Variants in GRIK3 observed in about 807,000 individuals in gnomAD.
GRIK3 encodes glutamate ionotropic receptor kainate type subunit 3.
GRIK3 carries 29 observed loss-of-function variants against 102.5 expected under a neutral mutation model. That is an observed-to-expected ratio of 0.28 (90% CI 0.21 to 0.39). The LOEUF (loss-of-function observed/expected upper bound fraction) is 0.39, where lower values mean the gene tolerates loss of function less well. Among genes scored for constraint, GRIK3 ranks in the 10% least tolerant of loss-of-function variants. GRIK3 has a pLI of 1.00. For missense variants in GRIK3, 908 were observed against 1,252.4 expected (o/e 0.73, Z 4.15); for synonymous variants, 511 against 504.9 (o/e 1.01, Z -0.16).
intron 1 of GRIK3, among the ~76,000 whole-genome samples, chr1:36,949,555 T>TC (rs2124333442): frequency 6.6e-6 from 1 of 151,496 alleles, no homozygotes; most frequent in East Asian, 1.9e-4. Flanking sequence ...TTCTTTTTTT[T>TC]CTTTCTCTCT....
chr1:36,826,123 C>A (rs930535643), intron 10 of GRIK3, among the ~76,000 whole-genome samples: 4 of 152,194 alleles, frequency 2.6e-5, no homozygotes, highest in Non-Finnish European at 5.9e-5. Context: ...AACCCATGTG[C>A]TCCCTTCTCA....
At chr1:36,844,000 G>A (rs1301891208) in intron 9 of GRIK3, among the ~76,000 whole-genome samples, 1 of 152,264 alleles carries the variant, frequency 6.6e-6, no homozygotes, top group Non-Finnish European at 1.5e-5. Context: ...GAAGACCTTT[G>A]TCAGAGGTCC....
At chr1:36,936,597 C>T (rs1385824484) in intron 1 of GRIK3, among the ~76,000 whole-genome samples, 4 of 152,160 alleles carry the variant, frequency 2.6e-5, no homozygotes, top group African/African-American at 9.7e-5. Context: ...CACCCCATTC[C>T]CATTCTCCAG....
chr1:36,998,981 T>A (rs978034715), intron 1 of GRIK3, among the ~76,000 whole-genome samples: 1 of 115,510 alleles, frequency 8.7e-6, no homozygotes, highest in Non-Finnish European at 1.8e-5. Context: ...ACTTTGGAAG[T>A]GTGTGTGTGT....
At chr1:36,974,072 C>T (rs1479557107) in intron 1 of GRIK3, among the ~76,000 whole-genome samples, 2 of 152,146 alleles carry the variant, frequency 1.3e-5, no homozygotes, top group African/African-American at 2.4e-5. Flanking sequence ...CCCCAGCAAA[C>T]CCATGAAATA....
chr1:36,853,277 T>C (rs1640606149), intron 8 of GRIK3, among the ~76,000 whole-genome samples: 1 of 152,224 alleles, frequency 6.6e-6, no homozygotes, highest in Admixed American at 6.5e-5. Flanking sequence ...TTCTGCTCCA[T>C]GACAGCCCTG....
At chr1:37,008,426 C>T (rs745856234) in intron 1 of GRIK3, among the ~76,000 whole-genome samples, 5 of 152,268 alleles carry the variant, frequency 3.3e-5, no homozygotes, top group African/African-American at 7.2e-5. Context: ...AGCGAACAAA[C>T]GCCATGTGGG....
intron 1 of GRIK3, among the ~76,000 whole-genome samples, chr1:36,949,620 G>A (rs1421832645): frequency 7.5e-6 from 1 of 133,282 alleles, no homozygotes; most frequent in South Asian, 2.4e-4. Flanking sequence ...GTTGCCCCAG[G>A]CTGGAGTGCA....
intron 1 of GRIK3, among the ~76,000 whole-genome samples, chr1:36,975,383 C>G (rs560020854): frequency 6.7e-6 from 1 of 150,326 alleles, no homozygotes; most frequent in Admixed American, 6.7e-5. Context: ...CAACCTCCAC[C>G]TCCTGGGCTT....
intron 9 of GRIK3, 126 bp from the exon 10 acceptor site, chr1:36,842,065 A>T (rs1640460482): frequency 1.3e-6 from 1 of 776,404 alleles, no homozygotes; most frequent in African/African-American, 1.7e-5. Context: ...TGGCTTAGAC[A>T]AAGGGCCCGT....
chr1:36,858,289 C>T (rs1198906579), intron 7 of GRIK3, among the ~76,000 whole-genome samples: 1 of 152,234 alleles, frequency 6.6e-6, no homozygotes, highest in Non-Finnish European at 1.5e-5. Flanking sequence ...CTCACTATAT[C>T]ATACTGAAGA....
intron 1 of GRIK3, among the ~76,000 whole-genome samples, chr1:36,942,427 T>C (rs547074289): frequency 6.6e-6 from 1 of 152,312 alleles, no homozygotes; most frequent in South Asian, 2.1e-4. Context: ...GACCTGCTAA[T>C]TGCTTGAAAC....
chr1:36,802,982 G>A (rs552999400), intron 15 of GRIK3, among the ~76,000 whole-genome samples: 31 of 152,250 alleles, frequency 2.0e-4, no homozygotes, highest in Middle Eastern at 3.4e-3. Context: ...CCAGGTGTTA[G>A]GCATGCAGCA....
intron 1 of GRIK3, among the ~76,000 whole-genome samples, chr1:36,942,045 C>A (rs922110559): frequency 1.3e-5 from 2 of 152,196 alleles, no homozygotes; most frequent in Admixed American, 1.3e-4. Flanking sequence ...GCCAAGCACT[C>A]TTTGAGGATG....
At chr1:36,866,007 C>CTGCCT (rs2124246987) in intron 5 of GRIK3, among the ~76,000 whole-genome samples, 1 of 152,316 alleles carries the variant, frequency 6.6e-6, no homozygotes, top group South Asian at 2.1e-4. Flanking sequence ...AGTTTGCCTT[C>CTGCCT]CAAGTAGCTG....
At chr1:36,807,845 T>C (rs1453818825) in intron 13 of GRIK3, among the ~76,000 whole-genome samples, 1 of 152,028 alleles carries the variant, frequency 6.6e-6, no homozygotes, top group Admixed American at 6.5e-5. Context: ...AAGCAGCCAC[T>C]CCCCAACCTA....
At chr1:36,990,310 AG>A (rs1642351851) in intron 1 of GRIK3, among the ~76,000 whole-genome samples, 1 of 152,178 alleles carries the variant, frequency 6.6e-6, no homozygotes, top group Non-Finnish European at 1.5e-5. Context: ...CCGCTGAGCT[AG>A]GCTGTCCCTG....
Position 36,860,023 on chromosome 1 carries a change from T to G in GRIK3, c.787-6A>C. 1.3e-6 allele frequency: 2 copies of G among 1,573,008 alleles called. No individual in the cohort carries two copies. Among genetic ancestry groups the G allele is most frequent in the Non-Finnish European group, 1.7e-6 (2 of 1,159,728 alleles). On this transcript the variant is annotated splice_polypyrimidine_tract_variant and splice_region_variant and intron_variant, in intron 5 of 15. Transcript: ENST00000373091. ...AGGTCTAAAGCGTAGAGATCCTGGATAGAGAGAGGTCTGTGTAAACCAAGG... is the reference window on the plus strand; with the variant it reads ...AGGTCTAAAGCGTAGAGATCCTGGAGAGAGAGAGGTCTGTGTAAACCAAGG...
chr1:37,002,670 CTTTTTTTTTTTT>C (rs57712253), intron 1 of GRIK3, among the ~76,000 whole-genome samples: 1 of 135,248 alleles, frequency 7.4e-6, no homozygotes, highest in African/African-American at 2.7e-5. Context: ...TTCTTTCTTT[CTTTTTTTTTTTT>C]TTTTTTGAGA....
Sources: gnomAD v4.1 joint callset for allele counts (sites outside exome capture counted in the v4.1 genomes callset) on GRCh38, gnomAD v4.1.1 for gene constraint, MANE v1.5 for transcripts, NCBI Gene and HGNC (gene_info 2026-07-23, HGNC 2026-07-21) for gene names.